Variants in DYNC1LI1 observed in about 807,000 individuals in gnomAD.
DYNC1LI1 encodes dynein cytoplasmic 1 light intermediate chain 1.
In DYNC1LI1, 19 loss-of-function variants were observed where a neutral mutation model predicts 63.8. The observed-to-expected ratio is 0.30, with a 90% CI of 0.21 to 0.44. The LOEUF is 0.44. Ranked by LOEUF, DYNC1LI1 falls within the 20% of genes least tolerant of loss-of-function variation. DYNC1LI1 has a pLI of 1.00. For synonymous variants in DYNC1LI1, 225 were observed against 232.3 expected (o/e 0.97, Z 0.28); for missense variants, 565 against 630.2 (o/e 0.90, Z 1.11).
intron 2 of DYNC1LI1, among the ~76,000 whole-genome samples, chr3:32,562,677 T>C (rs1698209138): frequency 1.3e-5 from 2 of 152,188 alleles, no homozygotes. Context: ...GCAAGAAACA[T>C]GCATTACTTT....
intron 2 of DYNC1LI1, among the ~76,000 whole-genome samples, chr3:32,552,772 C>A (rs1698062043): frequency 6.6e-6 from 1 of 152,158 alleles, no homozygotes; most frequent in South Asian, 2.1e-4. Flanking sequence ...GGGGTGCGAT[C>A]TTGGCTCACT....
At chr3:32,535,771 T>A (rs1697766165) in intron 6 of DYNC1LI1, among the ~76,000 whole-genome samples, 1 of 152,182 alleles carries the variant, frequency 6.6e-6, no homozygotes, top group African/African-American at 2.4e-5. Flanking sequence ...CATACCTCAT[T>A]ATCTTGAGAT....
intron 6 of DYNC1LI1, 73 bp from the exon 7 acceptor site, chr3:32,534,719 C>T: frequency 8.0e-7 from 1 of 1,247,094 alleles, no homozygotes; most frequent in East Asian, 2.6e-5. Flanking sequence ...GTGTTTTCAG[C>T]TTAACTTTTA....
intron 6 of DYNC1LI1, 96 bp downstream of exon 6, chr3:32,536,915 G>GAGT: frequency 1.5e-6 from 1 of 649,960 alleles, no homozygotes; most frequent in South Asian, 2.1e-5. Context: ...AATGTTTACA[G>GAGT]AATTTCTCAA....
chr3:32,556,674 C>T (rs759554826), intron 2 of DYNC1LI1, among the ~76,000 whole-genome samples: 8 of 152,034 alleles, frequency 5.3e-5, no homozygotes, highest in African/African-American at 7.2e-5. Context: ...CTTAAGTAAT[C>T]GGGACTACAG....
intron 2 of DYNC1LI1, among the ~76,000 whole-genome samples, chr3:32,552,468 TCCC>T (rs915132934): frequency 3.9e-5 from 6 of 151,980 alleles, no homozygotes; most frequent in Non-Finnish European, 8.8e-5. Flanking sequence ...CAGCTTTTCT[TCCC>T]CCATCTCATT....
intron 2 of DYNC1LI1, among the ~76,000 whole-genome samples, chr3:32,561,324 T>G (rs868471446): frequency 2.6e-5 from 4 of 151,634 alleles, no homozygotes; most frequent in Admixed American, 2.0e-4. Context: ...ACAAGTATTC[T>G]CACATACTGA....
intron 2 of DYNC1LI1, among the ~76,000 whole-genome samples, chr3:32,563,360 G>A (rs148833306): frequency 0.079 from 11,710 of 147,812 alleles, 1,046 homozygotes; most frequent in African/African-American, 0.22. Flanking sequence ...GCACGATCTC[G>A]GCTCACTGCA....
At position 32,528,603 on chromosome 3, in the gene DYNC1LI1, TATAAAAAA is replaced by T. The variant is rs1311070372; in HGVS notation, c.1307-10_1307-3del. On this transcript the variant is annotated splice_region_variant and splice_polypyrimidine_tract_variant and intron_variant, in intron 11 of 12. Coordinates refer to ENST00000273130, the MANE Select transcript of DYNC1LI1 (RefSeq NM_016141.4). ...GAACGCCTTCACTTGTAGCTCCAGC[TATAAAAAA>T]ATAAAAAAACAAAAAGCTTTAGCCA... 6.3e-7 allele frequency: 1 copy of T among 1,586,814 alleles called. No homozygotes were observed. The highest frequency in any genetic ancestry group is 1.2e-5 in the South Asian group (1 of 85,620).
chr3:32,531,489 T>G (rs1575147884), intron 8 of DYNC1LI1: 1 of 152,246 alleles, frequency 6.6e-6, no homozygotes, highest in Admixed American at 6.5e-5. Context: ...ACTTGACAGA[T>G]GTCTATGTAT....
intron 2 of DYNC1LI1, among the ~76,000 whole-genome samples, chr3:32,549,286 T>C (rs1275893761): frequency 6.6e-6 from 1 of 150,560 alleles, no homozygotes; most frequent in Non-Finnish European, 1.5e-5. Context: ...CCAAAAAAAA[T>C]AAGTATATCT....
At position 32,544,160 on chromosome 3, in the gene DYNC1LI1, G is replaced by A. The variant is rs1018262866; in HGVS notation, c.568+716C>T. Among the ~76,000 whole-genome samples, 5 of 152,132 alleles carry A rather than the reference G, an allele frequency of 3.3e-5. No homozygotes were observed. The East Asian group carries it at 7.7e-4, about 23-fold the overall frequency. On this transcript the variant is annotated intron_variant, in intron 4 of 12. Coordinates refer to ENST00000273130, the MANE Select transcript of DYNC1LI1 (RefSeq NM_016141.4). ...CCATAAAAATCTCCAATTCACATAG[G>A]CATGTACAAAATATGTACTTTATAA...
In DYNC1LI1 at chr3:32,570,741, G is replaced by C; in HGVS notation, c.30C>G (p.Phe10Leu). 1 of 1,607,066 alleles carries C rather than the reference G, an allele frequency of 6.2e-7. No individual in the cohort carries two copies. Among genetic ancestry groups the C allele is most frequent in the Non-Finnish European group, 8.5e-7 (1 of 1,176,786 alleles). ...AGGATAATCCCGGCGGAGAAGAACC[G>C]AAGGAGCCGACTCGCCCCACGGCCG... is the stretch of plus-strand genomic sequence containing the variant. MAAVGRVGS[F>L]GSSPPGLSST... The change falls in exon 1 of 13, where the codon TTC becomes TTG. Residue 10 changes from phenylalanine (F) to leucine (L), a missense_variant. By Grantham distance (22) the Phe-to-Leu change is conservative. Transcript: ENST00000273130.
intron 5 of DYNC1LI1, among the ~76,000 whole-genome samples, chr3:32,540,484 A>T (rs1697865241): frequency 6.6e-6 from 1 of 151,984 alleles, no homozygotes; most frequent in Non-Finnish European, 1.5e-5. Flanking sequence ...GTTTGAGACC[A>T]GGCTGGCCAA....
rs1219091225 is a variant in DYNC1LI1 at position 32,533,000 on chromosome 3, G to A, written c.1066C>T (p.Pro356Ser). The A allele has an allele frequency of 6.3e-7, 1 of 1,582,338 alleles. No homozygotes were observed. Among genetic ancestry groups the A allele is most frequent in the South Asian group, 1.2e-5 (1 of 85,134 alleles). Reference sequence around the variant, plus strand: ...AAAATGGTTACCTTTCGAACAGGTGGTTTAGTTATGATGTCTTCAAAATTA... The same window carrying A: ...AAAATGGTTACCTTTCGAACAGGTGATTTAGTTATGATGTCTTCAAAATTA... ...EDNFEDIITK[P>S]PVRKFVHEKE... Residue 356 changes from proline to serine, a missense_variant, in exon 8 of 13, where the codon CCA becomes TCA. Transcript: ENST00000273130.
At position 32,570,353 on chromosome 3, in the gene DYNC1LI1, T is replaced by G; in HGVS notation, c.213A>C (p.Leu71=). ...GAGGCAGGGAACACTTACCCAGCAGTAGCACGTTCTTCCCCGCAGGGAGCT... is the reference window on the plus strand; with the variant it reads ...GAGGCAGGGAACACTTACCCAGCAGGAGCACGTTCTTCCCCGCAGGGAGCT... ...RSKLPAGKNV[L]LLGEDGAGKT... is the part of the protein sequence containing the mutation. Residue 71 remains leucine, a synonymous_variant, in exon 2 of 13, where the codon CTA becomes CTC. Coordinates refer to ENST00000273130, the MANE Select transcript of DYNC1LI1 (RefSeq NM_016141.4). 6.3e-7 allele frequency: 1 copy of G among 1,587,300 alleles called. No individual in the cohort carries two copies. The highest frequency in any genetic ancestry group is 8.6e-7 in the Non-Finnish European group (1 of 1,163,788).
intron 12 of DYNC1LI1, 38 bp from the exon 13 acceptor site, chr3:32,526,946 A>G: frequency 6.9e-7 from 1 of 1,457,484 alleles, no homozygotes; most frequent in Non-Finnish European, 9.6e-7. Flanking sequence ...AGATTTAGAT[A>G]TAAGTGAAAG....
At chr3:32,543,768 A>T (rs1051003953) in intron 4 of DYNC1LI1, among the ~76,000 whole-genome samples, 2 of 151,538 alleles carry the variant, frequency 1.3e-5, no homozygotes, top group Non-Finnish European at 2.9e-5. Flanking sequence ...AGTGACATTA[A>T]AAAATGTTAC....
intron 2 of DYNC1LI1, among the ~76,000 whole-genome samples, chr3:32,568,857 C>G (rs1038584617): frequency 6.6e-6 from 1 of 151,940 alleles, no homozygotes; most frequent in Admixed American, 6.6e-5. Flanking sequence ...TCCATTTTAC[C>G]TTAGAAATGA....
Sources: gnomAD v4.1 joint callset for allele counts (sites outside exome capture counted in the v4.1 genomes callset) on GRCh38, gnomAD v4.1.1 for gene constraint, MANE v1.5 for transcripts, NCBI Gene and HGNC (gene_info 2026-07-23, HGNC 2026-07-21) for gene names.